Variants in GPR158 observed in about 807,000 individuals in gnomAD.
The protein encoded by GPR158 is metabotropic glycine receptor.
Under a neutral mutation model 78.2 loss-of-function variants are expected in GPR158, and 30 were observed. That is an observed-to-expected ratio of 0.38 (90% CI 0.29 to 0.52). The LOEUF (loss-of-function observed/expected upper bound fraction) is 0.52, where lower values mean the gene tolerates loss of function less well. Ranked by LOEUF, GPR158 falls within the 20% of genes least tolerant of loss-of-function variation. The pLI, the probability that GPR158 is intolerant of heterozygous loss-of-function variation, is 0.83. For missense variants in GPR158, 1,463 were observed against 1,523.5 expected (o/e 0.96, Z 0.66); for synonymous variants, 581 against 591.1 (o/e 0.98, Z 0.25).
intron 7 of GPR158, among the ~76,000 whole-genome samples, chr10:25,575,437 A>G (rs1564494751): frequency 6.6e-6 from 1 of 152,178 alleles, no homozygotes; most frequent in African/African-American, 2.4e-5. Context: ...GTGTGGTCCC[A>G]GAACCCGCAG....
intron 1 of GPR158, among the ~76,000 whole-genome samples, chr10:25,216,100 G>A: frequency 6.6e-6 from 1 of 152,208 alleles, no homozygotes; most frequent in East Asian, 1.9e-4. Context: ...GGCCCTTTTA[G>A]CTTTTGCTTG....
At chr10:25,595,813 A>G (rs7898963) in intron 9 of GPR158, among the ~76,000 whole-genome samples, 45,913 of 152,120 alleles carry the variant, frequency 0.3, 9,576 homozygotes, top group African/African-American at 0.59. Flanking sequence ...TTAAATAGTG[A>G]TGATGGTTGC....
intron 2 of GPR158, among the ~76,000 whole-genome samples, chr10:25,301,856 GA>G (rs1854600557): frequency 6.6e-6 from 1 of 152,116 alleles, no homozygotes; most frequent in African/African-American, 2.4e-5. Context: ...CTTCCCTTAA[GA>G]AAGTTTTCTG....
chr10:25,491,822 CATT>C (rs1378515950), intron 5 of GPR158, among the ~76,000 whole-genome samples: 27 of 152,166 alleles, frequency 1.8e-4, no homozygotes, highest in African/African-American at 6.0e-4. Flanking sequence ...TTTAGCTTAT[CATT>C]ATATGGATAG....
At chr10:25,243,307 A>G (rs1039119059) in intron 2 of GPR158, among the ~76,000 whole-genome samples, 1 of 152,240 alleles carries the variant, frequency 6.6e-6, no homozygotes, top group African/African-American at 2.4e-5. Flanking sequence ...GGTCATCAAT[A>G]GAAGCAAGCT....
chr10:25,317,116 C>A (rs887567689), intron 2 of GPR158, among the ~76,000 whole-genome samples: 1 of 151,380 alleles, frequency 6.6e-6, no homozygotes, highest in African/African-American at 2.4e-5. Context: ...GTGATCTTGG[C>A]TCACTGCAAC....
intron 2 of GPR158, among the ~76,000 whole-genome samples, chr10:25,354,593 C>T (rs968252547): frequency 1.3e-5 from 2 of 152,052 alleles, no homozygotes; most frequent in African/African-American, 4.8e-5. Flanking sequence ...GAGTAGATTG[C>T]ATACTACAAT....
intron 2 of GPR158, among the ~76,000 whole-genome samples, chr10:25,328,519 A>G (rs1306637867): frequency 2.6e-5 from 4 of 152,108 alleles, no homozygotes; most frequent in Non-Finnish European, 5.9e-5. Flanking sequence ...TTCCTTAGTC[A>G]CTAGAATTCC....
At chr10:25,319,075 G>A (rs970200739) in intron 2 of GPR158, among the ~76,000 whole-genome samples, 6 of 152,176 alleles carry the variant, frequency 3.9e-5, no homozygotes, top group Non-Finnish European at 8.8e-5. Flanking sequence ...CAGACTTCTT[G>A]CTCCAAGGGA....
rs1367320589 is a variant in GPR158, at chr10:25,175,712, A to C, written c.292A>C (p.Asn98His). The C allele has an allele frequency of 6.2e-7, 1 of 1,611,812 alleles. No individual in the cohort carries two copies. Among genetic ancestry groups the C allele is most frequent in the Non-Finnish European group, 8.5e-7 (1 of 1,179,918 alleles). ...GGACTCCCACCAGCTGAAGCGAGCCAACTGCTCCGGCCGCTACGAGTTGGC... is the reference window on the plus strand; with the variant it reads ...GGACTCCCACCAGCTGAAGCGAGCCCACTGCTCCGGCCGCTACGAGTTGGC... ...TGDSHQLKRA[N>H]CSGRYELAGL... is the part of the protein sequence containing the mutation. Residue 98 changes from asparagine to histidine, a missense_variant, in exon 1 of 11, where the codon AAC becomes CAC. By Grantham distance (68) the Asn-to-His change is moderately conservative. Transcript: ENST00000376351. This position sits in a 1 kb window ranked among gnomAD's most constrained non-coding sequence, Gnocchi z 6.4.
intron 5 of GPR158, among the ~76,000 whole-genome samples, chr10:25,540,964 AT>A (rs1160200911): frequency 0.086 from 12,637 of 147,156 alleles, 1,120 homozygotes; most frequent in East Asian, 0.46. Context: ...ATATATATAT[AT>A]ATATATATAT....
chr10:25,561,107 C>T (rs1262012478), intron 6 of GPR158, among the ~76,000 whole-genome samples: 1 of 152,020 alleles, frequency 6.6e-6, no homozygotes, highest in Non-Finnish European at 1.5e-5. Context: ...TTTTGTGATG[C>T]AATTAGTGAT....
intron 7 of GPR158, among the ~76,000 whole-genome samples, chr10:25,587,315 C>T (rs1287630888): frequency 6.6e-6 from 1 of 152,148 alleles, no homozygotes; most frequent in Middle Eastern, 3.2e-3. Flanking sequence ...TTCAAAGAAA[C>T]CACAAATATC....
chr10:25,500,102 A>G (rs974348659), intron 5 of GPR158, among the ~76,000 whole-genome samples: 12 of 152,232 alleles, frequency 7.9e-5, no homozygotes, highest in Admixed American at 4.6e-4. Context: ...TTTCACTTAC[A>G]TATGAACTTT....
At chr10:25,395,841 G>A in intron 2 of GPR158, 70 bp from the exon 3 acceptor site, 1 of 632,858 alleles carries the variant, frequency 1.6e-6, no homozygotes, top group Non-Finnish European at 2.8e-6. Flanking sequence ...TGCAATGATG[G>A]ATATCTGCGA....
chr10:25,401,690 A>G (rs895262445), intron 3 of GPR158, among the ~76,000 whole-genome samples: 9 of 152,080 alleles, frequency 5.9e-5, no homozygotes, highest in Admixed American at 2.6e-4. Flanking sequence ...CTTTCCCCAA[A>G]TATTAAAGAC....
intron 2 of GPR158, among the ~76,000 whole-genome samples, chr10:25,390,190 C>T (rs538009491): frequency 6.6e-6 from 1 of 152,230 alleles, no homozygotes; most frequent in African/African-American, 2.4e-5. Flanking sequence ...AGCTTGAGAA[C>T]AGACTAATAC....
chr10:25,487,490 A>G (rs1327187616), intron 5 of GPR158, among the ~76,000 whole-genome samples: 1 of 152,192 alleles, frequency 6.6e-6, no homozygotes, highest in East Asian at 1.9e-4. Flanking sequence ...TGTCCCAGCT[A>G]GGAATGTGCC....
chr10:25,373,598 C>G (rs1834035266), intron 2 of GPR158, among the ~76,000 whole-genome samples: 1 of 151,810 alleles, frequency 6.6e-6, no homozygotes, highest in South Asian at 2.1e-4. Flanking sequence ...TAGGTGCACT[C>G]AACAGCTTTT....
Sources: allele counts gnomAD v4.1 joint callset (sites outside exome capture counted in the v4.1 genomes callset), GRCh38; gene constraint gnomAD v4.1.1; non-coding constraint Gnocchi (gnomAD v3.1); transcripts MANE v1.5; gene names NCBI Gene and HGNC (gene_info 2026-07-23, HGNC 2026-07-21).